Variants in LOC128092252 observed in about 807,000 individuals in gnomAD.
At chr15:50,661,300 T>C in the LOC128092252 span, among the ~76,000 whole-genome samples, 4 of 152,150 alleles carry the variant, frequency 2.6e-5, no homozygotes, top group Non-Finnish European at 4.4e-5. Context: ...TTATAAAATA[T>C]CTGTAGTATG....
chr15:50,653,423 C>T, the LOC128092252 span, among the ~76,000 whole-genome samples: 7 of 152,156 alleles, frequency 4.6e-5, no homozygotes, highest in African/African-American at 1.7e-4. Flanking sequence ...CCACTACATG[C>T]TAAGTCTTGT....
the LOC128092252 span, among the ~76,000 whole-genome samples, chr15:50,677,266 G>A: frequency 6.6e-6 from 1 of 151,920 alleles, no homozygotes; most frequent in Non-Finnish European, 1.5e-5. Context: ...ATCAGACCCA[G>A]GGCCCCACCC....
the LOC128092252 span, among the ~76,000 whole-genome samples, chr15:50,676,336 T>C: frequency 6.6e-6 from 1 of 152,138 alleles, no homozygotes; most frequent in Non-Finnish European, 1.5e-5. Context: ...TATGATTATA[T>C]ATATTAAAAT....
chr15:50,674,529 GT>G, the LOC128092252 span, among the ~76,000 whole-genome samples: 1 of 152,100 alleles, frequency 6.6e-6, no homozygotes, highest in Non-Finnish European at 1.5e-5. Flanking sequence ...ATTTTTAATG[GT>G]TTTTGTCTTT....
At chr15:50,653,676 T>C in the LOC128092252 span, among the ~76,000 whole-genome samples, 1 of 151,922 alleles carries the variant, frequency 6.6e-6, no homozygotes, top group African/African-American at 2.4e-5. Context: ...AGCAAGGAAG[T>C]AGAGAACAGA....
chr15:50,662,261 G>A, the LOC128092252 span, among the ~76,000 whole-genome samples: 2 of 151,268 alleles, frequency 1.3e-5, no homozygotes, highest in African/African-American at 2.4e-5. Context: ...GCTGAGGCAA[G>A]AGAATGGCCT....
At chr15:50,658,977 T>G in the LOC128092252 span, among the ~76,000 whole-genome samples, 3 of 152,108 alleles carry the variant, frequency 2.0e-5, no homozygotes, top group Non-Finnish European at 2.9e-5. Flanking sequence ...GGCGGGAGGA[T>G]CACGAGGTCA....
chr15:50,675,715 C>A, the LOC128092252 span, among the ~76,000 whole-genome samples: 6 of 152,306 alleles, frequency 3.9e-5, no homozygotes, highest in Admixed American at 2.6e-4. Context: ...GGTTGCACTA[C>A]CAGATTTTAC....
At chr15:50,660,614 G>C in the LOC128092252 span, among the ~76,000 whole-genome samples, 1 of 152,130 alleles carries the variant, frequency 6.6e-6, no homozygotes, top group South Asian at 2.1e-4. Context: ...GTCTCCCAAA[G>C]TGCTGGAATT....
At chr15:50,663,073 T>C in the LOC128092252 span, 3 of 1,555,868 alleles carry the variant, frequency 1.9e-6, no homozygotes, top group Non-Finnish European at 1.8e-6. Flanking sequence ...TAAAGAATTG[T>C]TTATAAGTTA....
chr15:50,678,170 G>C, the LOC128092252 span, among the ~76,000 whole-genome samples: 1 of 150,442 alleles, frequency 6.6e-6, no homozygotes, highest in African/African-American at 2.4e-5. Flanking sequence ...GAACCCAAGA[G>C]GCAGAGCTTG....
the LOC128092252 span, chr15:50,662,911 A>G: frequency 1.6e-6 from 2 of 1,251,872 alleles, no homozygotes; most frequent in East Asian, 4.7e-5. Context: ...AGAAATAACA[A>G]TATAATTTAC....
At chr15:50,686,114 G>A in the LOC128092252 span, among the ~76,000 whole-genome samples, 1 of 152,306 alleles carries the variant, frequency 6.6e-6, no homozygotes, top group Non-Finnish European at 1.5e-5. Context: ...AACTTGAGCA[G>A]AGCATTTGGT....
chr15:50,681,264 T>TACATACACACACACACACACAC, the LOC128092252 span, among the ~76,000 whole-genome samples: 1 of 146,906 alleles, frequency 6.8e-6, no homozygotes, highest in Non-Finnish European at 1.5e-5. Flanking sequence ...AATAAATAAA[T>TACATACACACACACACACACAC]ACACACACAC....
At chr15:50,686,309 C>T in the LOC128092252 span, among the ~76,000 whole-genome samples, 6 of 152,220 alleles carry the variant, frequency 3.9e-5, no homozygotes, top group South Asian at 2.1e-4. Context: ...TCAGGGGATT[C>T]CCGCGAAGAG....
At chr15:50,685,805 G>C in the LOC128092252 span, among the ~76,000 whole-genome samples, 5 of 152,082 alleles carry the variant, frequency 3.3e-5, no homozygotes, top group South Asian at 8.3e-4. Flanking sequence ...CGCACCTTTC[G>C]GTTTAAAACA....
chr15:50,679,922 T>C, the LOC128092252 span, among the ~76,000 whole-genome samples: 3 of 152,122 alleles, frequency 2.0e-5, no homozygotes, highest in Non-Finnish European at 4.4e-5. Context: ...CCCCAGAGTA[T>C]GTGTCTCTGC....
chr15:50,663,958 C>G, the LOC128092252 span, among the ~76,000 whole-genome samples: 2 of 151,012 alleles, frequency 1.3e-5, no homozygotes, highest in Non-Finnish European at 3.0e-5. Flanking sequence ...GTGAGAGACT[C>G]TGTCTCAAAA....
At chr15:50,685,452 G>C in the LOC128092252 span, among the ~76,000 whole-genome samples, 2 of 152,162 alleles carry the variant, frequency 1.3e-5, no homozygotes, top group Non-Finnish European at 2.9e-5. Context: ...GTGAGACCCT[G>C]TCTCAAAACA....
Sources: gnomAD v4.1 joint callset for allele counts (sites outside exome capture counted in the v4.1 genomes callset) on GRCh38, gnomAD v4.1.1 for gene constraint, MANE v1.5 for transcripts.